LEP: variants seen among roughly 807,000 people sequenced by gnomAD.
LEP encodes leptin (murine obesity homolog).
LEP carries 6 observed loss-of-function variants against 9.8 expected under a neutral mutation model. The observed-to-expected ratio is 0.61, with a 90% CI of 0.34 to 1.21. The LOEUF is 1.21. Ranked by LOEUF, LEP falls within the 50% of genes most tolerant of loss-of-function variation. LEP has a pLI of 0.04. For synonymous variants in LEP, 112 were observed against 81.7 expected, an observed-to-expected ratio of 1.37 and a Z score of -2.00; for missense variants, 134 against 198.1, an observed-to-expected ratio of 0.68 and a Z score of 1.94.
intron 1 of LEP, among the ~76,000 whole-genome samples, chr7:128,244,232 C>G (rs1795184357): frequency 7.3e-6 from 1 of 137,270 alleles, no homozygotes; most frequent in South Asian, 2.5e-4. Context: ...GCCTGAGTGA[C>G]AGAGCAAGAC....
chr7:128,243,112 C>T (rs1044835162), intron 1 of LEP, among the ~76,000 whole-genome samples: 4 of 152,222 alleles, frequency 2.6e-5, no homozygotes, highest in Non-Finnish European at 1.5e-5. Context: ...CTCAGAGAAA[C>T]AGAGAGGTTG....
At chr7:128,246,020 G>A (rs140782690) in intron 1 of LEP, among the ~76,000 whole-genome samples, 3,074 of 151,746 alleles carry the variant, frequency 0.02, 46 homozygotes, top group Non-Finnish European at 0.033. Flanking sequence ...GCAGTGAGCC[G>A]AGGTCACGCC....
intron 1 of LEP, among the ~76,000 whole-genome samples, chr7:128,249,735 G>A (rs572074659): frequency 6.6e-6 from 1 of 152,314 alleles, no homozygotes; most frequent in African/African-American, 2.4e-5. Flanking sequence ...GTTTGTATGA[G>A]CATGTGTGTT....
At chr7:128,242,131 G>A (rs533915494) in intron 1 of LEP, among the ~76,000 whole-genome samples, 2 of 152,208 alleles carry the variant, frequency 1.3e-5, no homozygotes, top group Non-Finnish European at 2.9e-5. Context: ...AAAGATAGTG[G>A]TGCTTTGGGA....
At chr7:128,254,378 T>C (rs1459728728) in intron 2 of LEP, 26 bp from the exon 3 acceptor site, 1 of 1,610,618 alleles carries the variant, frequency 6.2e-7, no homozygotes, top group East Asian at 2.2e-5. Flanking sequence ...TGCTGAGCAC[T>C]TGTTCTCCCT....
intron 1 of LEP, among the ~76,000 whole-genome samples, chr7:128,249,649 G>T (rs1317300200): frequency 6.6e-6 from 1 of 152,160 alleles, no homozygotes; most frequent in Non-Finnish European, 1.5e-5. Flanking sequence ...GGGGAAGAAC[G>T]GAAGACAAGA....
rs201058992 is a variant in LEP, at chr7:128,254,631, C to T, written c.372C>T (p.Gly124=). 3.2e-5 allele frequency: 51 copies of T among 1,614,050 alleles called. No homozygotes were observed. Among genetic ancestry groups the T allele is most frequent in the Middle Eastern group, 1.6e-4 (1 of 6,084 alleles). The stretch of plus-strand genomic sequence containing the variant: ...GCTGCCACTTGCCCTGGGCCAGTGG[C>T]CTGGAGACCTTGGACAGCCTGGGGG... The part of the protein sequence containing the change: ...SKSCHLPWAS[G]LETLDSLGGV... The change falls in exon 3 of 3, where the codon GGC becomes GGT. Residue 124 remains glycine (G), a synonymous_variant. Coordinates refer to ENST00000308868, the MANE Select transcript of LEP (RefSeq NM_000230.3).
At chr7:128,249,183 G>A (rs1310287990) in intron 1 of LEP, among the ~76,000 whole-genome samples, 2 of 152,166 alleles carry the variant, frequency 1.3e-5, no homozygotes, top group Non-Finnish European at 2.9e-5. Flanking sequence ...GCCCATGTTG[G>A]CATGTGTTAA....
chr7:128,244,358 G>A lies in LEP; in HGVS notation c.-29+3052G>A, dbSNP rs569625961. Among the ~76,000 whole-genome samples, 493 of 152,176 alleles carry A rather than the reference G, an allele frequency of 3.2e-3. 3 individuals carry two copies. Among genetic ancestry groups the A allele is most frequent in the Non-Finnish European group, 4.7e-3 (321 of 68,026 alleles). ...GATCTTTCTGATGAACAGAAAGAAT[G>A]TAACCCCTGTACTCACACCCTCTCT... On this transcript the variant is annotated intron_variant, in intron 1 of 2. Coordinates refer to ENST00000308868, the MANE Select transcript of LEP (RefSeq NM_000230.3).
chr7:128,244,139 C>A (rs887219915), intron 1 of LEP, among the ~76,000 whole-genome samples: 1 of 151,684 alleles, frequency 6.6e-6, no homozygotes, highest in Admixed American at 6.6e-5. Flanking sequence ...GTCCCAGCTA[C>A]TTGGGAGGCT....
chr7:128,253,788 C>T lies in LEP; in HGVS notation c.145-616C>T, dbSNP rs11973652. Among the ~76,000 whole-genome samples, 909 of 152,336 alleles carry T rather than the reference C, an allele frequency of 6.0e-3. 7 individuals carry two copies. Among genetic ancestry groups the T allele is most frequent in the African/African-American group, 0.021 (853 of 41,560 alleles). On this transcript the variant is annotated intron_variant, in intron 2 of 2. Coordinates refer to ENST00000308868, the MANE Select transcript of LEP (RefSeq NM_000230.3). ...ATATTAGCCACTCAGCAAGACTGCA[C>T]GTGATAGATCCCGAGTGCCCCACCT... is the stretch of plus-strand genomic sequence containing the variant.
intron 1 of LEP, among the ~76,000 whole-genome samples, chr7:128,247,904 T>A (rs551057181): frequency 6.6e-6 from 1 of 152,376 alleles, no homozygotes; most frequent in East Asian, 1.9e-4. Flanking sequence ...AGCATAGCTC[T>A]GAGGAACTCT....
chr7:128,252,230 AC>A, intron 2 of LEP, 68 bp downstream of exon 2: 1 of 1,549,314 alleles, frequency 6.5e-7, no homozygotes. Context: ...GTGGCACTGG[AC>A]CCAGATAGTC....
At position 128,257,435 on chromosome 7, in the gene LEP, G is replaced by A. The variant is rs1795355056; in HGVS notation, c.*2672G>A. The stretch of plus-strand genomic sequence containing the variant: ...AACACAAAAGTTAGCTGAGCGTGGT[G>A]GCGGGCGCCTGTAGTCCCAGCCACT... On this transcript the variant is annotated 3_prime_UTR_variant, in exon 3 of 3. Transcript: ENST00000308868. 1 of 152,008 alleles carries A rather than the reference G, an allele frequency of 6.6e-6. No individual in the cohort carries two copies. The highest frequency in any genetic ancestry group is 2.1e-4 in the South Asian group (1 of 4,816). 9.4% of individuals were successfully genotyped at this position (152,008 alleles called of 1,614,324 possible).
intron 1 of LEP, among the ~76,000 whole-genome samples, chr7:128,250,518 T>A (rs1410352088): frequency 2.0e-5 from 3 of 152,100 alleles, no homozygotes; most frequent in Non-Finnish European, 2.9e-5. Flanking sequence ...TGGATCTGAA[T>A]CCTGACTCTG....
intron 1 of LEP, among the ~76,000 whole-genome samples, chr7:128,249,953 G>A (rs928509135): frequency 1.3e-5 from 2 of 152,214 alleles, no homozygotes; most frequent in Non-Finnish European, 2.9e-5. Context: ...TATCAGTGGT[G>A]ATAGAGGGGG....
chr7:128,242,658 T>C (rs543120440), intron 1 of LEP, among the ~76,000 whole-genome samples: 162 of 152,330 alleles, frequency 1.1e-3, no homozygotes, highest in African/African-American at 3.8e-3. Context: ...ATTTTGTACA[T>C]TTTATACCCA....
chr7:128,251,886 G>A (rs552525781), intron 1 of LEP, 105 bp from the exon 2 acceptor site: 1 of 929,270 alleles, frequency 1.1e-6, no homozygotes, highest in Admixed American at 1.7e-5. Context: ...AGAGCAGAAA[G>A]CAAAGCTGAT....
rs1795324720 is a variant in LEP at position 128,255,297 on chromosome 7, G to GCTT, written c.*537_*539dup. ...TGGATGGATTTGAAGCAAAGCACCA[G>GCTT]CTTCTCCAGGCTCTTTGGGGTCAGC... On this transcript the variant is annotated 3_prime_UTR_variant, in exon 3 of 3. Coordinates refer to ENST00000308868, the MANE Select transcript of LEP (RefSeq NM_000230.3). The GCTT allele has an allele frequency of 6.2e-6, 1 of 161,360 alleles. No homozygotes were observed. The highest frequency in any genetic ancestry group is 2.4e-5 in the African/African-American group (1 of 41,552). 10.0% of individuals were successfully genotyped at this position (161,360 alleles called of 1,614,324 possible).
Sources: allele counts gnomAD v4.1 joint callset (sites outside exome capture counted in the v4.1 genomes callset), GRCh38; gene constraint gnomAD v4.1.1; transcripts MANE v1.5; gene names NCBI Gene and HGNC (gene_info 2026-07-23, HGNC 2026-07-21).